The following GNAT3 variants were observed in gnomAD, a reference collection of about 807,000 sequenced individuals.
The protein encoded by GNAT3 is guanine nucleotide-binding protein G(t) subunit alpha-3.
Under a neutral mutation model 37.7 loss-of-function variants are expected in GNAT3, and 31 were observed. That is an observed-to-expected ratio of 0.82 (90% CI 0.62 to 1.11). GNAT3 has a LOEUF of 1.11. Ranked by LOEUF, GNAT3 falls within the 50% of genes most tolerant of loss-of-function variation. GNAT3 has a pLI of 0.00. For synonymous variants in GNAT3, 138 were observed against 139.8 expected, an observed-to-expected ratio of 0.99 and a Z score of 0.09; for missense variants, 437 against 412.5, an observed-to-expected ratio of 1.06 and a Z score of -0.51.
intron 1 of GNAT3, among the ~76,000 whole-genome samples, chr7:80,503,749 C>T (rs905930768): frequency 3.3e-5 from 5 of 152,158 alleles, no homozygotes; most frequent in African/African-American, 1.2e-4. Flanking sequence ...ATTTTGAGAT[C>T]TCCCAAAGTG....
chr7:80,478,300 G>T (rs894218491), intron 4 of GNAT3, among the ~76,000 whole-genome samples: 1 of 152,170 alleles, frequency 6.6e-6, no homozygotes, highest in Non-Finnish European at 1.5e-5. Context: ...ATGCTAAATG[G>T]ATGATACAAG....
chr7:80,509,709 C>T (rs954269856), intron 1 of GNAT3, among the ~76,000 whole-genome samples: 1 of 151,972 alleles, frequency 6.6e-6, no homozygotes, highest in African/African-American at 2.4e-5. Context: ...TATCAGTAGT[C>T]CATTGATTTT....
intron 7 of GNAT3, among the ~76,000 whole-genome samples, 152 bp from the exon 8 acceptor site, chr7:80,459,013 A>G (rs1198130089): frequency 6.6e-6 from 1 of 152,186 alleles, no homozygotes; most frequent in Admixed American, 6.5e-5. Context: ...GGTGCTGGGA[A>G]CTATGCTCAC....
chr7:80,471,742 G>T (rs1790224204), intron 5 of GNAT3, among the ~76,000 whole-genome samples: 2 of 152,118 alleles, frequency 1.3e-5, no homozygotes, highest in African/African-American at 4.8e-5. Flanking sequence ...AAGACAGAAA[G>T]ATATGCATTT....
Position 80,497,608 on chromosome 7 carries a change from GTATATA to G in GNAT3, c.119-2967_119-2962del, listed in dbSNP as rs1562732893. Among the ~76,000 whole-genome samples the G allele has an allele frequency of 3.1e-3, 368 of 117,526 alleles. 21 individuals carry two copies. The highest frequency in any genetic ancestry group is 4.5e-3 in the Non-Finnish European group (267 of 59,194). The allele number at this position is 117,526 out of a possible 152,430, so 77.1% of individuals were successfully genotyped here. A position where few individuals can be genotyped will look rare whatever the true frequency, so the allele number is the denominator to read the frequency against. ...TATACATATACGTATATACATATAC[GTATATA>G]CATATACGTATATACATATACGTAT... On this transcript the variant is annotated intron_variant, in intron 1 of 7. Coordinates refer to ENST00000398291, the MANE Select transcript of GNAT3 (RefSeq NM_001102386.3).
chr7:80,497,538 A>ATATACACATATACGTATATACATATACG (rs1790739062), intron 1 of GNAT3, among the ~76,000 whole-genome samples: 1 of 132,672 alleles, frequency 7.5e-6, no homozygotes, highest in Non-Finnish European at 1.6e-5. Flanking sequence ...CTCTCTATAT[A>ATATACACATATACGTATATACATATACG]TATACACATA....
chr7:80,488,779 T>A, intron 2 of GNAT3, 103 bp from the exon 3 acceptor site: 1 of 773,074 alleles, frequency 1.3e-6, no homozygotes, highest in Non-Finnish European at 2.0e-6. Context: ...ATATATTCAT[T>A]AAAAAGGAAT....
rs947521601 is a variant in GNAT3, at chr7:80,476,971, G to A, written c.461+1870C>T. On this transcript the variant is annotated intron_variant, in intron 4 of 7. Transcript: ENST00000398291. ...TGTTCTATTGCACCTGCAGTAATCT[G>A]GGTAGTTGAAAACTATTACAATATG... Among the ~76,000 whole-genome samples, 4 of 151,980 alleles carry A rather than the reference G, an allele frequency of 2.6e-5. 1 individual carries two copies. The highest frequency in any genetic ancestry group is 9.7e-5 in the African/African-American group (4 of 41,404).
At chr7:80,467,585 A>G (rs1431525887) in intron 5 of GNAT3, among the ~76,000 whole-genome samples, 1 of 152,034 alleles carries the variant, frequency 6.6e-6, no homozygotes, top group African/African-American at 2.4e-5. Flanking sequence ...TCCTTATTTT[A>G]TGGAATTGTA....
chr7:80,474,180 T>G, intron 5 of GNAT3, 71 bp downstream of exon 5: 2 of 1,471,872 alleles, frequency 1.4e-6, no homozygotes, highest in Non-Finnish European at 1.9e-6. Context: ...GGGCTAGAGC[T>G]TTTCTCCATG....
chr7:80,509,626 G>A (rs765172194), intron 1 of GNAT3, among the ~76,000 whole-genome samples: 12 of 151,922 alleles, frequency 7.9e-5, no homozygotes, highest in Non-Finnish European at 1.6e-4. Flanking sequence ...TGATAGCATT[G>A]CATACAATAA....
intron 3 of GNAT3, among the ~76,000 whole-genome samples, chr7:80,484,951 CCT>C (rs1480654060): frequency 1.3e-5 from 2 of 152,020 alleles, no homozygotes; most frequent in East Asian, 3.9e-4. Context: ...TCTTCTGGAA[CCT>C]CTCTCACTAT....
intron 5 of GNAT3, among the ~76,000 whole-genome samples, chr7:80,467,201 G>A (rs1386176043): frequency 6.6e-6 from 1 of 152,082 alleles, no homozygotes; most frequent in African/African-American, 2.4e-5. Context: ...TTCTCCCAAG[G>A]AAGAGAGGAC....
intron 7 of GNAT3, 58 bp from the exon 8 acceptor site, chr7:80,458,919 C>CTA: frequency 1.7e-6 from 2 of 1,155,700 alleles, no homozygotes; most frequent in South Asian, 3.0e-5. Context: ...AAAGAATAGG[C>CTA]TATAAATAAT....
At chr7:80,496,280 G>A (rs1790714563) in intron 1 of GNAT3, among the ~76,000 whole-genome samples, 3 of 152,042 alleles carry the variant, frequency 2.0e-5, no homozygotes, top group African/African-American at 4.8e-5. Flanking sequence ...ACAGGTGTGC[G>A]CCATCATGCC....
At chr7:80,511,599 C>T (rs12539378) in intron 1 of GNAT3, among the ~76,000 whole-genome samples, 5,003 of 151,944 alleles carry the variant, frequency 0.033, 123 homozygotes, top group Middle Eastern at 0.095. Context: ...ATATTTGCCT[C>T]CTTGCTTAAC....
At chr7:80,491,298 A>C (rs1790586932) in intron 2 of GNAT3, among the ~76,000 whole-genome samples, 1 of 152,174 alleles carries the variant, frequency 6.6e-6, no homozygotes, top group South Asian at 2.1e-4. Flanking sequence ...AGGGCGATAG[A>C]GGCCAGATGG....
chr7:80,500,012 C>G (rs1442578836), intron 1 of GNAT3, among the ~76,000 whole-genome samples: 1 of 152,118 alleles, frequency 6.6e-6, no homozygotes, highest in Non-Finnish European at 1.5e-5. Context: ...CACTCCTTTA[C>G]TCCTTTCTTG....
chr7:80,462,046 T>A, intron 7 of GNAT3, 113 bp downstream of exon 7: 1 of 705,856 alleles, frequency 1.4e-6, no homozygotes, highest in Non-Finnish European at 2.3e-6. Flanking sequence ...TAAAGATAAC[T>A]CAAAAATGAT....
Sources: gnomAD v4.1 joint callset for allele counts (sites outside exome capture counted in the v4.1 genomes callset) on GRCh38, gnomAD v4.1.1 for gene constraint, MANE v1.5 for transcripts, NCBI Gene and HGNC (gene_info 2026-07-23, HGNC 2026-07-21) for gene names.